The following MUC4 variants were observed in gnomAD, a reference collection of about 807,000 sequenced individuals.
MUC4 encodes mucin 4, cell surface associated, also known as mucin-4.
In MUC4, 202 loss-of-function variants were observed where a neutral mutation model predicts 257.9. The observed-to-expected ratio is 0.78, with a 90% CI of 0.70 to 0.88. The LOEUF (loss-of-function observed/expected upper bound fraction) is 0.88, where lower values mean the gene tolerates loss of function less well. MUC4 is among the 40% of genes least tolerant of loss of function. The pLI is 0.00. For synonymous variants in MUC4, 2,351 were observed against 2,757.1 expected (o/e 0.85, Z 4.62); for missense variants, 5,976 against 6,513.7 (o/e 0.92, Z 2.84).
At position 195,757,014 on chromosome 3, in the gene MUC4, C is replaced by T. The variant is rs1053242690; in HGVS notation, c.15168+133G>A. 13 of 904,518 alleles carry T rather than the reference C, an allele frequency of 1.4e-5. No individual in the cohort carries two copies. Among genetic ancestry groups the T allele is most frequent in the Non-Finnish European group, 2.2e-5 (13 of 592,678 alleles). The allele number at this position is 904,518 out of a possible 1,614,324, so 56.0% of individuals were successfully genotyped here. Reference sequence around the variant, plus strand: ...TTGTGGCCTGAGACTGGAATCTGCTCTACTCACCTACCACTGCTCCACCCA... The same window carrying T: ...TTGTGGCCTGAGACTGGAATCTGCTTTACTCACCTACCACTGCTCCACCCA... On this transcript the variant is annotated intron_variant, in intron 18 of 24. Transcript: ENST00000463781. This position sits in a 1 kb window ranked among gnomAD's most constrained non-coding sequence, Gnocchi z 4.8.
chr3:195,754,731 T>A (rs1424184188), intron 18 of MUC4, among the ~76,000 whole-genome samples: 1 of 151,238 alleles, frequency 6.6e-6, no homozygotes, highest in Admixed American at 6.6e-5. Context: ...TGAATGAATG[T>A]ATCCATGTAT....
rs1733440533 is a variant in MUC4 at position 195,788,853 on chromosome 3, C to T, written c.2727G>A (p.Gln909=). Residue 909 remains glutamine, a synonymous_variant, in exon 2 of 25, where the codon CAG becomes CAA. Transcript: ENST00000463781. ...QETAAISRMA[Q]TQRTRTSRGS... ...CTCTGCTGGTTCTTGTCCTCTGAGT[C>T]TGGGCCATCCGGGAAATGGCGGCTG... 1 of 1,613,862 alleles carries T rather than the reference C, an allele frequency of 6.2e-7. No homozygotes were observed. Among genetic ancestry groups the T allele is most frequent in the Non-Finnish European group, 8.5e-7 (1 of 1,179,844 alleles).
intron 7 of MUC4, among the ~76,000 whole-genome samples, chr3:195,767,529 C>T (rs111417952): frequency 0.025 from 1,709 of 67,220 alleles, 73 homozygotes; most frequent in African/African-American, 0.11. Flanking sequence ...CCACCACCAT[C>T]GCCACCACCA....
In MUC4 at chr3:195,784,968, A is replaced by C. The variant is rs1457330919; in HGVS notation, c.6612T>G (p.Gly2204=). The C allele has an allele frequency of 8.9e-6, 11 of 1,237,956 alleles. No individual in the cohort carries two copies. In the African/African-American group the frequency reaches 1.5e-4, roughly 16 times the overall value. 76.7% of individuals were successfully genotyped at this position (1,237,956 alleles called of 1,614,324 possible). Residue 2204 remains glycine, a synonymous_variant, in exon 2 of 25, where the codon GGT becomes GGG. Transcript: ENST00000463781. ...TGGTGACAGGAAGAGGGGTGGCCTG[A>C]CCTGTGGATGCTGAGGAAGTGTCGG... The part of the protein sequence containing the change: ...PVTDTSSAST[G]QATPLPVTSP...
chr3:195,761,643 G>A, intron 14 of MUC4, 58 bp from the exon 15 acceptor site: 1 of 1,376,852 alleles, frequency 7.3e-7, no homozygotes, highest in Non-Finnish European at 1.0e-6. Context: ...CCTTCCTGGG[G>A]AGCATCCGGC....
Position 195,811,927 on chromosome 3 carries a change from T to A in MUC4, c.-110A>T. On this transcript the variant is annotated 5_prime_UTR_variant, in exon 1 of 25. Coordinates refer to ENST00000463781, the MANE Select transcript of MUC4 (RefSeq NM_018406.7). ...CCTCAGGCGGCTGGCCCGAACCAAG[T>A]GCGTTTCTCCGAAGGGGCCAGGGAA... is the stretch of plus-strand genomic sequence containing the variant. The A allele has an allele frequency of 9.1e-7, 1 of 1,094,722 alleles. No individual in the cohort carries two copies. The highest frequency in any genetic ancestry group is 1.3e-6 in the Non-Finnish European group (1 of 755,182). 67.8% of individuals were successfully genotyped at this position (1,094,722 alleles called of 1,614,324 possible). A position where few individuals can be genotyped will look rare whatever the true frequency, so the allele number is the denominator to read the frequency against.
intron 23 of MUC4, chr3:195,749,889 T>C (rs906426993): frequency 6.6e-6 from 1 of 152,296 alleles, no homozygotes; most frequent in African/African-American, 2.4e-5. Context: ...TAAGTTTGTG[T>C]TTCCTAAAGT....
intron 1 of MUC4, among the ~76,000 whole-genome samples, chr3:195,793,471 C>T (rs1331996437): frequency 6.6e-6 from 1 of 151,340 alleles, no homozygotes; most frequent in East Asian, 1.9e-4. Flanking sequence ...CACTTCACTG[C>T]AGCCTGGGCG....
At chr3:195,801,892 C>A (rs765468259) in intron 1 of MUC4, among the ~76,000 whole-genome samples, 1 of 151,968 alleles carries the variant, frequency 6.6e-6, no homozygotes, top group African/African-American at 2.4e-5. Context: ...ACGGGTCCTG[C>A]TCCACCGTCC....
At position 195,771,671 on chromosome 3, in the gene MUC4, C is replaced by T. The variant is rs376312999; in HGVS notation, c.13223G>A (p.Arg4408Gln). Residue 4408 changes from arginine (R) to glutamine (Q), a missense_variant, in exon 5 of 25, where the codon CGG becomes CAG. Transcript: ENST00000463781. ...GCTCACCTGATAAAATGTGGTCCCCCGACCAGTGGAGAAGTCAGCATCGTC... is the reference window on the plus strand; with the variant it reads ...GCTCACCTGATAAAATGTGGTCCCCTGACCAGTGGAGAAGTCAGCATCGTC... ...FWDDADFSTG[R>Q]GTTFYQEYET... is the part of the protein sequence containing the mutation. 1,806 of 1,613,818 alleles carry T rather than the reference C, an allele frequency of 1.1e-3. 40 individuals are homozygous for T. The South Asian group carries it at 0.018, about 16-fold the overall frequency.
In MUC4 at chr3:195,788,283, T is replaced by G. The variant is rs1578414006; in HGVS notation, c.3297A>C (p.Thr1099=). The change falls in exon 2 of 25, where the codon ACA becomes ACC. Residue 1099 remains threonine (T), a synonymous_variant. Transcript: ENST00000463781. The part of the protein sequence containing the change: ...LPVTDTSSAS[T]GHATSLPVTD... Reference sequence around the variant, plus strand: ...TGACAGGAAGAGAGGTGGCGTGACCTGTGGATGCTGAGGAAGTGTCAGTGA... The same window carrying G: ...TGACAGGAAGAGAGGTGGCGTGACCGGTGGATGCTGAGGAAGTGTCAGTGA... 3.2e-6 allele frequency: 5 copies of G among 1,546,168 alleles called. No homozygotes were observed. Among genetic ancestry groups the G allele is most frequent in the East Asian group, 2.5e-5 (1 of 40,726 alleles).
chr3:195,806,416 A>G (rs1472881935), intron 1 of MUC4, among the ~76,000 whole-genome samples: 1 of 152,212 alleles, frequency 6.6e-6, no homozygotes, highest in Non-Finnish European at 1.5e-5. Context: ...CACACCCTGT[A>G]CTTTTCCACA....
chr3:195,776,099 C>G (rs1366614177), intron 3 of MUC4, among the ~76,000 whole-genome samples: 3 of 25,678 alleles, frequency 1.2e-4, no homozygotes, highest in Admixed American at 6.4e-4. Flanking sequence ...ACCTTCCACA[C>G]CCATACCTTC....
At chr3:195,768,885 C>T (rs1722193956) in intron 7 of MUC4, 137 bp downstream of exon 7, 1 of 1,169,756 alleles carries the variant, frequency 8.5e-7, no homozygotes, top group South Asian at 1.8e-5. Context: ...CCAGCGGGAG[C>T]TGGAGTCAGC....
In MUC4 at chr3:195,779,176, G is replaced by A. The variant is rs1227610542; in HGVS notation, c.12404C>T (p.Ser4135Phe). 4 of 1,405,096 alleles carry A rather than the reference G, an allele frequency of 2.8e-6. No homozygotes were observed. Among genetic ancestry groups the A allele is most frequent in the Non-Finnish European group, 3.8e-6 (4 of 1,046,536 alleles). The allele number at this position is 1,405,096 out of a possible 1,614,324, so 87.0% of individuals were successfully genotyped here. A position where few individuals can be genotyped will look rare whatever the true frequency, so the allele number is the denominator to read the frequency against. The change falls in exon 2 of 25, where the codon TCC becomes TTC. Residue 4135 changes from serine (S) to phenylalanine (F), a missense_variant. Physicochemically the swap from Ser to Phe is radical, Grantham distance 155. Coordinates refer to ENST00000463781, the MANE Select transcript of MUC4 (RefSeq NM_018406.7). ...QATPLPVTSL[S>F]SVSTGDTTPL... Reference sequence around the variant, plus strand: ...CGTGGTGTCACCTGTGGATACTGAGGAAAGGCTGGTGACAGGAAGAGGGGT... The same window carrying A: ...CGTGGTGTCACCTGTGGATACTGAGAAAAGGCTGGTGACAGGAAGAGGGGT...
At chr3:195,773,759 A>G (rs1472016920) in intron 4 of MUC4, among the ~76,000 whole-genome samples, 1 of 151,936 alleles carries the variant, frequency 6.6e-6, no homozygotes, top group East Asian at 1.9e-4. Flanking sequence ...GCAGGTGTGG[A>G]CACCCTCTCC....
chr3:195,756,149 G>T (rs997944878), intron 18 of MUC4, among the ~76,000 whole-genome samples: 18 of 152,188 alleles, frequency 1.2e-4, no homozygotes, highest in African/African-American at 4.1e-4. Context: ...TCTCTTCCCA[G>T]CACCGTGATG....
In MUC4 at chr3:195,782,256, A is replaced by C; in HGVS notation, c.9324T>G (p.Thr3108=). 9.9e-7 allele frequency: 1 copy of C among 1,009,772 alleles called. No homozygotes were observed. Among genetic ancestry groups the C allele is most frequent in the Non-Finnish European group, 1.2e-6 (1 of 802,910 alleles). 62.6% of individuals were successfully genotyped at this position (1,009,772 alleles called of 1,614,324 possible). ...GACCTGTGGATGCTGAGGAAGGGCTAGTGACAGGAAGAGGCGTGGTGTCAC... is the reference window on the plus strand; with the variant it reads ...GACCTGTGGATGCTGAGGAAGGGCTCGTGACAGGAAGAGGCGTGGTGTCAC... The part of the protein sequence containing the change: ...STGDTTPLPV[T]SPSSASTGHT... The change falls in exon 2 of 25, where the codon ACT becomes ACG. Residue 3108 remains threonine, a synonymous_variant. Transcript: ENST00000463781.
In MUC4 at chr3:195,781,120, G is replaced by T. The variant is rs548219386; in HGVS notation, c.10460C>A (p.Thr3487Asn). The change falls in exon 2 of 25, where the codon ACC (threonine) becomes AAC (asparagine). Residue 3487 changes from threonine (T) to asparagine (N), a missense_variant. By Grantham distance (65) the Thr-to-Asn change is moderately conservative. Around this residue, in one of 44 missense-constraint regions of MUC4, gnomAD observed 297 missense variants for 240.9 expected, o/e 1.23. Transcript: ENST00000463781. ...GGAAGGGATGGTGACATGAAGAGGG[G>T]TGGTGTGACCTGTAGATGCTGAGGA... is the stretch of plus-strand genomic sequence containing the variant. ...SPSSASTGHT[T>N]PLHVTIPSSA... The T allele has an allele frequency of 2.7e-6, 4 of 1,480,370 alleles. No individual in the cohort carries two copies. Among genetic ancestry groups the T allele is most frequent in the Middle Eastern group, 2.4e-4 (1 of 4,172 alleles). The allele number at this position is 1,480,370 out of a possible 1,614,324, so 91.7% of individuals were successfully genotyped here.
Sources: allele counts gnomAD v4.1 joint callset (sites outside exome capture counted in the v4.1 genomes callset), GRCh38; gene constraint gnomAD v4.1.1; regional missense constraint gnomAD v4.1.1; non-coding constraint Gnocchi (gnomAD v3.1); transcripts MANE v1.5; gene names NCBI Gene and HGNC (gene_info 2026-07-23, HGNC 2026-07-21).